The following FSTL4 variants were observed in gnomAD, a reference collection of about 807,000 sequenced individuals.
FSTL4 encodes the protein follistatin-related protein 4.
Under a neutral mutation model 78.2 loss-of-function variants are expected in FSTL4, and 28 were observed. The ratio of observed to expected loss-of-function variants is 0.36; its 90% CI spans 0.27 to 0.49. The LOEUF (loss-of-function observed/expected upper bound fraction) is 0.49, where lower values mean the gene tolerates loss of function less well. FSTL4 is among the 20% of genes least tolerant of loss of function. The probability of loss-of-function intolerance (pLI) is 0.98; values close to 1 mark genes in which losing one functional copy is unlikely to be tolerated. For synonymous variants in FSTL4, 422 were observed against 440.5 expected (o/e 0.96, Z 0.53); for missense variants, 922 against 1,084.9 (o/e 0.85, Z 2.11).
intron 6 of FSTL4, among the ~76,000 whole-genome samples, chr5:133,287,432 G>C (rs1016351268): frequency 2.0e-5 from 3 of 152,016 alleles, no homozygotes; most frequent in African/African-American, 7.3e-5. Context: ...TTCTACCGAG[G>C]AGGTGAACAC....
At chr5:133,492,396 T>G (rs1435504750) in intron 3 of FSTL4, among the ~76,000 whole-genome samples, 3 of 152,184 alleles carry the variant, frequency 2.0e-5, no homozygotes, top group Non-Finnish European at 2.9e-5. Context: ...ATATATACCT[T>G]TAGTTCTTTC....
At chr5:133,772,309 T>C in the FSTL4 span, among the ~76,000 whole-genome samples, 2 of 152,254 alleles carry the variant, frequency 1.3e-5, no homozygotes, top group African/African-American at 2.4e-5. Context: ...TCTCTTATCT[T>C]GTCATTTAAA....
At chr5:133,773,561 G>T in the FSTL4 span, among the ~76,000 whole-genome samples, 1 of 152,142 alleles carries the variant, frequency 6.6e-6, no homozygotes, top group African/African-American at 2.4e-5. Flanking sequence ...CTACAACAAC[G>T]TGATAGACCT....
the FSTL4 span, among the ~76,000 whole-genome samples, chr5:133,784,646 C>T: frequency 5.9e-5 from 9 of 152,046 alleles, no homozygotes; most frequent in African/African-American, 2.2e-4. Context: ...AGTTGCATCC[C>T]GGCTTCCACC....
At chr5:133,637,782 C>G in the FSTL4 span, among the ~76,000 whole-genome samples, 1 of 151,748 alleles carries the variant, frequency 6.6e-6, no homozygotes, top group Middle Eastern at 3.2e-3. Context: ...ACTTACATCT[C>G]CAGCCTGGAC....
intron 3 of FSTL4, among the ~76,000 whole-genome samples, chr5:133,515,406 A>G (rs1758832960): frequency 1.4e-5 from 2 of 144,854 alleles, no homozygotes; most frequent in Admixed American, 1.4e-4. Flanking sequence ...AAAGGAAAGG[A>G]AAAAAAAAAA....
the FSTL4 span, among the ~76,000 whole-genome samples, chr5:133,800,422 G>A: frequency 3.6e-5 from 5 of 138,574 alleles, no homozygotes; most frequent in African/African-American, 1.1e-4. Context: ...TAACACTAAC[G>A]ATAGCTGATG....
At chr5:133,684,035 GT>G in the FSTL4 span, among the ~76,000 whole-genome samples, 1 of 152,216 alleles carries the variant, frequency 6.6e-6, no homozygotes, top group African/African-American at 2.4e-5. Flanking sequence ...CTCTTGGTGA[GT>G]TTGTGGACCA....
At chr5:133,491,167 T>C (rs1310057744) in intron 3 of FSTL4, among the ~76,000 whole-genome samples, 1 of 152,226 alleles carries the variant, frequency 6.6e-6, no homozygotes, top group East Asian at 1.9e-4. Flanking sequence ...CATCATTTTA[T>C]AAAAATATGT....
intron 8 of FSTL4, among the ~76,000 whole-genome samples, chr5:133,229,221 T>G (rs1751419273): frequency 6.6e-6 from 1 of 152,152 alleles, no homozygotes; most frequent in Non-Finnish European, 1.5e-5. Flanking sequence ...TAACTCCAAT[T>G]AAAAAATCAG....
At chr5:133,687,082 T>C in the FSTL4 span, among the ~76,000 whole-genome samples, 12 of 152,066 alleles carry the variant, frequency 7.9e-5, no homozygotes, top group South Asian at 2.1e-3. Flanking sequence ...GAGCCACAGG[T>C]TGCACAGTGG....
the FSTL4 span, among the ~76,000 whole-genome samples, chr5:133,804,740 C>T: frequency 5.3e-5 from 8 of 152,020 alleles, no homozygotes; most frequent in East Asian, 7.8e-4. Context: ...GTCAGGAGAT[C>T]GAGACCATCC....
intron 6 of FSTL4, among the ~76,000 whole-genome samples, chr5:133,275,491 C>T (rs12519130): frequency 0.42 from 62,861 of 150,068 alleles, 15,176 homozygotes; most frequent in African/African-American, 0.65. Context: ...ACCCGGAAGG[C>T]GGTGGTTCCA....
intron 3 of FSTL4, among the ~76,000 whole-genome samples, chr5:133,489,598 C>T (rs1758215624): frequency 6.6e-6 from 1 of 152,174 alleles, no homozygotes; most frequent in South Asian, 2.1e-4. Context: ...TGCAAAGAGC[C>T]AGGCTCAGGG....
At chr5:133,254,258 G>A (rs1752330738) in intron 6 of FSTL4, among the ~76,000 whole-genome samples, 1 of 152,224 alleles carries the variant, frequency 6.6e-6, no homozygotes, top group South Asian at 2.1e-4. Context: ...ATGTCCATTG[G>A]TGGCCCCACA....
intron 2 of FSTL4, among the ~76,000 whole-genome samples, chr5:133,568,072 A>C (rs2112944930): frequency 6.6e-6 from 1 of 152,294 alleles, no homozygotes; most frequent in African/African-American, 2.4e-5. Flanking sequence ...TGGGGGAGGG[A>C]GGGTGGACCA....
intron 3 of FSTL4, among the ~76,000 whole-genome samples, chr5:133,404,065 A>G (rs1353458665): frequency 6.6e-5 from 10 of 152,224 alleles, no homozygotes; most frequent in South Asian, 2.1e-4. Context: ...TCTCCCTGAC[A>G]TGGAAATTGG....
chr5:133,356,264 A>C (rs1211175013), intron 4 of FSTL4, among the ~76,000 whole-genome samples: 1 of 152,222 alleles, frequency 6.6e-6, no homozygotes, highest in African/African-American at 2.4e-5. Flanking sequence ...GTCATCACCA[A>C]TCAGCCCCTT....
At chr5:133,722,667 T>C in the FSTL4 span, among the ~76,000 whole-genome samples, 1 of 152,208 alleles carries the variant, frequency 6.6e-6, no homozygotes, top group Non-Finnish European at 1.5e-5. Flanking sequence ...CCTTGCTTTT[T>C]CTTATTTCTT....
Sources: allele counts gnomAD v4.1 joint callset (sites outside exome capture counted in the v4.1 genomes callset), GRCh38; gene constraint gnomAD v4.1.1; transcripts MANE v1.5; gene names NCBI Gene and HGNC (gene_info 2026-07-23, HGNC 2026-07-21).